WAS: variants seen among roughly 807,000 people sequenced by gnomAD.
The protein encoded by WAS is actin nucleation-promoting factor WAS.
In WAS, 1 loss-of-function variant was observed where a neutral mutation model predicts 38.9. The observed-to-expected ratio is 0.03, with a 90% CI of 0.01 to 0.12. The LOEUF is 0.12. WAS is among the 10% of genes least tolerant of loss of function. WAS has a pLI of 1.00. For missense variants in WAS, 311 were observed against 431.2 expected (o/e 0.72, Z 2.47); for synonymous variants, 182 against 173.6 (o/e 1.05, Z -0.38).
At chrX:48,683,453 T>C (rs2147262040), upstream of WAS, 1 of 143,177 alleles carries the variant, frequency 7.0e-6, no homozygotes, top group Admixed American at 7.7e-5. Flanking sequence ...TCAGGCTACC[T>C]AGGTGCTTTA....
At chrX:48,686,685 A>G in intron 6 of WAS, 96 bp from the exon 7 acceptor site, 1 of 1,052,263 alleles carries the variant, frequency 9.5e-7, no homozygotes, top group Non-Finnish European at 1.3e-6. Context: ...CATCCAACAC[A>G]CACACAGATT....
chrX:48,688,246 G>A, intron 8 of WAS, 54 bp from the exon 9 acceptor site: 1 of 1,172,487 alleles, frequency 8.5e-7, no homozygotes, highest in East Asian at 3.2e-5. Flanking sequence ...CATGTCGCTT[G>A]TCTCCTCGCC....
chrX:48,677,339 G>A (rs1160859540), intron 1 of WAS, among the ~76,000 whole-genome samples: 1 of 111,174 alleles, frequency 9.0e-6, no homozygotes, highest in Non-Finnish European at 1.9e-5. Flanking sequence ...GTGAGGAGGC[G>A]CTTGAGGGAG....
chrX:48,679,088 G>GA (rs1271717753), upstream of WAS, among the ~76,000 whole-genome samples: 1 of 108,432 alleles, frequency 9.2e-6, no homozygotes, highest in Non-Finnish European at 1.9e-5. Flanking sequence ...AGAGTGCACT[G>GA]AGGCAATCAC....
At chrX:48,679,036 T>A (rs891236765), upstream of WAS, among the ~76,000 whole-genome samples, 1 of 110,063 alleles carries the variant, frequency 9.1e-6, no homozygotes, top group Admixed American at 9.7e-5. Context: ...TTCTTTCTTT[T>A]TTTTTTTTCA....
chrX:48,683,646 C>T, upstream of WAS: 1 of 493,160 alleles, frequency 2.0e-6, no homozygotes, highest in Non-Finnish European at 3.3e-6. Context: ...TCTAAGCAGT[C>T]AAGTGGAGGA....
intron 11 of WAS, chrX:48,689,744 AG>A: frequency 3.2e-6 from 1 of 307,905 alleles, no homozygotes; most frequent in Non-Finnish European, 5.8e-6. Flanking sequence ...CCTGTAATCC[AG>A]GAACTTTGGG....
intron 1 of WAS, among the ~76,000 whole-genome samples, chrX:48,677,892 A>G (rs2062394258): frequency 1.8e-5 from 2 of 112,176 alleles, no homozygotes; most frequent in Non-Finnish European, 3.8e-5. Flanking sequence ...ATAGCTATCC[A>G]GACTGCAATT....
In WAS at chrX:48,685,604, AC is replaced by A. The variant is rs2147263705; in HGVS notation, c.336del (p.Phe113SerfsTer14). The A allele has an allele frequency of 8.3e-7, 1 of 1,198,875 alleles. No individual in the cohort carries two copies. Among genetic ancestry groups the A allele is most frequent in the South Asian group, 1.8e-5 (1 of 54,973 alleles). Reference protein sequence around the residue: ...LYSQLVYSTPTPFFHTFAGDD... With the variant: ...LYSQLVYSTPXPFFHTFAGDD... ...CTCACAGCTTGTCTACTCCACCCCC[AC>A]CCCCTTCTTCCACACCTTCGCTGGA... On this transcript the variant is annotated frameshift_variant, in exon 3 of 12. Coordinates refer to ENST00000376701, the MANE Select transcript of WAS (RefSeq NM_000377.3). LOFTEE classifies it high-confidence loss of function.
At position 48,686,102 on chromosome X, in the gene WAS, C is replaced by T. The variant is rs1557006667; in HGVS notation, c.527C>T (p.Pro176Leu). 1 of 1,212,195 alleles carries T rather than the reference C, an allele frequency of 8.2e-7. No individual in the cohort carries two copies. Among genetic ancestry groups the T allele is most frequent in the Non-Finnish European group, 1.1e-6 (1 of 895,573 alleles). ...ANEERRGGLPPLPLHPGGDQG... is the reference protein window; with the variant it reads ...ANEERRGGLPLLPLHPGGDQG... ...CCAGAGAGAAGAGGAGGGCTCCCAC[C>T]CCTGCCCCTGCATCCAGGTGGAGAC... Residue 176 changes from proline to leucine, a missense_variant, in exon 6 of 12, where the codon CCC (proline) becomes CTC (leucine). Around this residue, in one of 4 missense-constraint regions of WAS, gnomAD observed 31 missense variants for 20.1 expected, o/e 1.55. Coordinates refer to ENST00000376701, the MANE Select transcript of WAS (RefSeq NM_000377.3).
upstream of WAS, chrX:48,683,333 G>A (rs2062407772): frequency 8.9e-6 from 1 of 112,678 alleles, no homozygotes; most frequent in Admixed American, 9.4e-5. Flanking sequence ...TGATCCACTC[G>A]TCTCGGCCTC....
intron 1 of WAS, among the ~76,000 whole-genome samples, chrX:48,678,237 C>T (rs1381212048): frequency 2.7e-5 from 3 of 111,767 alleles, no homozygotes; most frequent in Non-Finnish European, 3.8e-5. Flanking sequence ...GTCAGGGATA[C>T]GGAGGACCAT....
At chrX:48,685,502 G>A (rs375987005) in intron 2 of WAS, 45 bp from the exon 3 acceptor site, 7 of 1,058,258 alleles carry the variant, frequency 6.6e-6, no homozygotes, top group East Asian at 3.3e-5. Flanking sequence ...TGCCACCCCC[G>A]GCGTGCCTCA....
At chrX:48,690,426 G>A (rs1423970132) in intron 11 of WAS, among the ~76,000 whole-genome samples, 1 of 112,291 alleles carries the variant, frequency 8.9e-6, no homozygotes, top group African/African-American at 3.2e-5. Context: ...TGGGATTACA[G>A]GCATGAGCCA....
chrX:48,685,694 C>G, intron 3 of WAS, 40 bp from the exon 4 acceptor site: 2 of 1,170,432 alleles, frequency 1.7e-6, no homozygotes, highest in Non-Finnish European at 2.3e-6. Flanking sequence ...GGGAAAGTTG[C>G]GGGGGACCTG....
intron 10 of WAS, 25 bp downstream of exon 10, chrX:48,689,091 T>C (rs1457219440): frequency 1.7e-6 from 2 of 1,184,443 alleles, no homozygotes; most frequent in African/African-American, 1.8e-5. Context: ...GATGGAGGAT[T>C]GGGGGTCTAG....
In WAS at chrX:48,689,450, C is replaced by A; in HGVS notation, c.1453+16C>A. On this transcript the variant is annotated intron_variant, in intron 11 of 11. Transcript: ENST00000376701. Reference sequence around the variant, plus strand: ...CACTCCTCCGGTGAGCTGATCCTGCCGGGGCCTCAAACCTGGCTCCCAGGG... The same window carrying A: ...CACTCCTCCGGTGAGCTGATCCTGCAGGGGCCTCAAACCTGGCTCCCAGGG... The A allele has an allele frequency of 1.7e-6, 2 of 1,190,787 alleles. No homozygotes were observed. The highest frequency in any genetic ancestry group is 2.3e-6 in the Non-Finnish European group (2 of 881,316).
intron 2 of WAS, 139 bp from the exon 3 acceptor site, chrX:48,685,408 C>G: frequency 3.9e-6 from 2 of 514,271 alleles, no homozygotes; most frequent in Middle Eastern, 5.2e-4. Flanking sequence ...CACCAACTCT[C>G]TGGTGCTGAG....
At chrX:48,680,323 G>A (rs782437148), upstream of WAS, among the ~76,000 whole-genome samples, 40 of 111,271 alleles carry the variant, frequency 3.6e-4, no homozygotes, top group Non-Finnish European at 6.4e-4. Flanking sequence ...GGGCAAATAT[G>A]TCAGAGGCGT....
Sources: gnomAD v4.1 joint callset for allele counts (sites outside exome capture counted in the v4.1 genomes callset) on GRCh38, gnomAD v4.1.1 for gene constraint, gnomAD v4.1.1 regional missense constraint, MANE v1.5 for transcripts, NCBI Gene and HGNC (gene_info 2026-07-23, HGNC 2026-07-21) for gene names.